PCDHGA1: variants seen among roughly 807,000 people sequenced by gnomAD.
PCDHGA1 encodes protocadherin gamma-A1.
A neutral mutation model predicts 58.0 loss-of-function variants in PCDHGA1; 32 were observed. The observed-to-expected ratio is 0.55, with a 90% CI of 0.42 to 0.74. The LOEUF is 0.74. Among genes scored for constraint, PCDHGA1 ranks in the 30% least tolerant of loss-of-function variants. PCDHGA1 has a pLI of 0.00. For synonymous variants in PCDHGA1, 498 were observed against 501.1 expected (o/e 0.99, Z 0.08); for missense variants, 1,205 against 1,182.3 (o/e 1.02, Z -0.28).
At chr5:141,457,878 C>A (rs1263626843) in intron 1 of PCDHGA1, among the ~76,000 whole-genome samples, 1 of 152,190 alleles carries the variant, frequency 6.6e-6, no homozygotes, top group East Asian at 1.9e-4. Context: ...GGTTAGGAAC[C>A]CTGTGTGGGG....
At chr5:141,395,374 T>G (rs145897132) in intron 1 of PCDHGA1, 6 of 1,187,780 alleles carry the variant, frequency 5.1e-6, no homozygotes, top group Non-Finnish European at 6.9e-6. Flanking sequence ...ATTTTGGTGG[T>G]GTTACTATAA....
chr5:141,457,111 G>A (rs922281700), intron 1 of PCDHGA1, among the ~76,000 whole-genome samples: 4 of 152,120 alleles, frequency 2.6e-5, no homozygotes, highest in South Asian at 2.1e-4. Flanking sequence ...AGCAAAATAC[G>A]ACAGCAATGG....
intron 1 of PCDHGA1, chr5:141,365,631 C>A: frequency 1.9e-6 from 3 of 1,613,644 alleles, no homozygotes; most frequent in Non-Finnish European, 2.5e-6. Context: ...CCCCTCTCTA[C>A]AGAAAGCCAC....
In PCDHGA1 at chr5:141,408,993, T is replaced by G. The variant is rs1258002192; in HGVS notation, c.2421+75888T>G. The G allele has an allele frequency of 1.2e-6, 2 of 1,613,814 alleles. No homozygotes were observed. The highest frequency in any genetic ancestry group is 2.7e-5 in the African/African-American group (2 of 74,912). On this transcript the variant is annotated intron_variant, in intron 1 of 3. Transcript: ENST00000517417. Reference sequence around the variant, plus strand: ...CCCCCTGGGTCCCCTGTGTTGCAAGTGACAGCCACTGACCAGGATGAGGGG... The same window carrying G: ...CCCCCTGGGTCCCCTGTGTTGCAAGGGACAGCCACTGACCAGGATGAGGGG...
intron 1 of PCDHGA1, chr5:141,396,761 A>G (rs2093430785): frequency 6.6e-6 from 1 of 152,352 alleles, no homozygotes; most frequent in African/African-American, 2.4e-5. Context: ...GACCCAATAA[A>G]TGTTTGTTAT....
chr5:141,423,009 G>T (rs371209178), intron 1 of PCDHGA1: 3 of 1,614,222 alleles, frequency 1.9e-6, no homozygotes, highest in Non-Finnish European at 2.5e-6. Context: ...AGGTGGTTGC[G>T]GTGGACAAAG....
intron 1 of PCDHGA1, chr5:141,365,342 C>T (rs1206317970): frequency 2.5e-6 from 4 of 1,613,932 alleles, no homozygotes. Flanking sequence ...GGTCACAGTA[C>T]AGGACGTGAA....
At chr5:141,495,492 G>C (rs1321150765) in intron 2 of PCDHGA1, among the ~76,000 whole-genome samples, 1 of 152,148 alleles carries the variant, frequency 6.6e-6, no homozygotes, top group Non-Finnish European at 1.5e-5. Flanking sequence ...CCTTTTTCTT[G>C]AGTTTCCGTC....
Position 141,485,256 on chromosome 5 carries a change from G to A in PCDHGA1, c.2422-9551G>A, listed in dbSNP as rs770176450. The A allele has an allele frequency of 6.2e-7, 1 of 1,614,186 alleles. No homozygotes were observed. Among genetic ancestry groups the A allele is most frequent in the Non-Finnish European group, 8.5e-7 (1 of 1,179,996 alleles). On this transcript the variant is annotated intron_variant, in intron 1 of 3. Transcript: ENST00000517417. The surrounding 1 kb of genome is among the most constrained non-coding windows in gnomAD (Gnocchi z 5.7). ...CTCTTTTACCACCTGGGTTACGTTTGTGGGCAGATCCGCTACCCGGTCCCA... is the reference window on the plus strand; with the variant it reads ...CTCTTTTACCACCTGGGTTACGTTTATGGGCAGATCCGCTACCCGGTCCCA...
At chr5:141,428,122 G>T in intron 1 of PCDHGA1, 1 of 1,606,172 alleles carries the variant, frequency 6.2e-7, no homozygotes, top group Non-Finnish European at 8.5e-7. Flanking sequence ...ATCGAGCCCG[G>T]GCTTTTCAGC....
At chr5:141,383,610 C>A (rs372785458) in intron 1 of PCDHGA1, 15 of 1,613,700 alleles carry the variant, frequency 9.3e-6, no homozygotes, top group Non-Finnish European at 1.3e-5. Flanking sequence ...ATGTGAATGA[C>A]CACACGCCTG....
intron 1 of PCDHGA1, among the ~76,000 whole-genome samples, chr5:141,397,021 AC>A (rs1313075505): frequency 6.6e-6 from 1 of 152,234 alleles, no homozygotes; most frequent in Non-Finnish European, 1.5e-5. Context: ...AAGAAGGTTG[AC>A]CAATGTCCAC....
At chr5:141,388,216 A>G (rs1391427454) in intron 1 of PCDHGA1, 1 of 1,598,862 alleles carries the variant, frequency 6.3e-7, no homozygotes, top group African/African-American at 1.4e-5. Flanking sequence ...GCTGTTGCTG[A>G]AAATCCACTG....
At chr5:141,333,276 T>C (rs1756457788) in intron 1 of PCDHGA1, 171 bp downstream of exon 1, 1 of 973,356 alleles carries the variant, frequency 1.0e-6, no homozygotes, top group South Asian at 1.7e-5. Flanking sequence ...TATGCAGGTA[T>C]ATTTATAATT....
intron 1 of PCDHGA1, chr5:141,384,922 C>G: frequency 6.2e-7 from 1 of 1,614,018 alleles, no homozygotes; most frequent in Non-Finnish European, 8.5e-7. Flanking sequence ...CTTGGCCGAC[C>G]TGGGCAGCCT....
At chr5:141,357,195 C>G in intron 1 of PCDHGA1, 1 of 1,613,770 alleles carries the variant, frequency 6.2e-7, no homozygotes. Flanking sequence ...TGGCTGTGGC[C>G]GACAGCATCC....
At chr5:141,346,888 T>G (rs1162211244) in intron 1 of PCDHGA1, among the ~76,000 whole-genome samples, 6 of 152,240 alleles carry the variant, frequency 3.9e-5, no homozygotes, top group Non-Finnish European at 8.8e-5. Flanking sequence ...CCTGTATAGC[T>G]TATCCTGATA....
intron 1 of PCDHGA1, chr5:141,371,055 T>A (rs1438717717): frequency 5.6e-6 from 9 of 1,613,768 alleles, no homozygotes; most frequent in Non-Finnish European, 7.6e-6. Flanking sequence ...GGGCGAGCCC[T>A]CCAGAAGCTG....
rs1386460009 is a variant in PCDHGA1 at position 141,390,018 on chromosome 5, C to T, written c.2421+56913C>T. On this transcript the variant is annotated intron_variant, in intron 1 of 3. Transcript: ENST00000517417. ...GGCCATGATTCTGGCCATTGCCTTG[C>T]GCCTGCGACGCTCCTCCAGCCCCGC... is the stretch of plus-strand genomic sequence containing the variant. The T allele has an allele frequency of 6.2e-7, 1 of 1,614,062 alleles. No individual in the cohort carries two copies. Among genetic ancestry groups the T allele is most frequent in the South Asian group, 1.1e-5 (1 of 91,078 alleles).
Sources: allele counts gnomAD v4.1 joint callset (sites outside exome capture counted in the v4.1 genomes callset), GRCh38; gene constraint gnomAD v4.1.1; non-coding constraint Gnocchi (gnomAD v3.1); transcripts MANE v1.5; gene names NCBI Gene and HGNC (gene_info 2026-07-23, HGNC 2026-07-21).